Variants in EXOC6B observed in about 807,000 individuals in gnomAD.
The protein encoded by EXOC6B is exocyst complex component 6B.
In EXOC6B, 54 loss-of-function variants were observed where a neutral mutation model predicts 113.5. The ratio of observed to expected loss-of-function variants is 0.48; its 90% confidence interval spans 0.38 to 0.60. EXOC6B has a LOEUF of 0.60. Among genes scored for constraint, EXOC6B ranks in the 20% least tolerant of loss-of-function variants. The pLI is 0.00. For missense variants in EXOC6B, 797 were observed against 977.5 expected (o/e 0.82, Z 2.46); for synonymous variants, 357 against 339.0 (o/e 1.05, Z -0.58).
At chr2:72,376,585 A>G (rs1016888515) in intron 19 of EXOC6B, among the ~76,000 whole-genome samples, 4 of 152,106 alleles carry the variant, frequency 2.6e-5, no homozygotes, top group African/African-American at 4.8e-5. Context: ...TGAGCTATTT[A>G]AATTCGTGTG....
chr2:72,612,446 CATA>C (rs938350881), intron 6 of EXOC6B, among the ~76,000 whole-genome samples: 1 of 152,010 alleles, frequency 6.6e-6, no homozygotes, highest in Non-Finnish European at 1.5e-5. Context: ...CTCCTTCTCC[CATA>C]ATAACAGAAT....
chr2:72,569,536 T>G (rs1704397730), intron 7 of EXOC6B, among the ~76,000 whole-genome samples: 1 of 152,138 alleles, frequency 6.6e-6, no homozygotes, highest in Non-Finnish European at 1.5e-5. Context: ...TTTATGTGAA[T>G]CTAATTGACC....
intron 20 of EXOC6B, among the ~76,000 whole-genome samples, chr2:72,184,552 T>C (rs1678298104): frequency 2.0e-5 from 3 of 152,176 alleles, no homozygotes. Context: ...GCCTTCAACA[T>C]GCCAAGAACC....
At chr2:72,815,801 A>G (rs959923841) in intron 1 of EXOC6B, among the ~76,000 whole-genome samples, 3 of 152,196 alleles carry the variant, frequency 2.0e-5, no homozygotes, top group African/African-American at 7.2e-5. Context: ...ACCAAATTCC[A>G]GATATATTCA....
At chr2:72,280,625 C>T (rs184614857) in intron 20 of EXOC6B, among the ~76,000 whole-genome samples, 345 of 151,968 alleles carry the variant, frequency 2.3e-3, no homozygotes, top group Non-Finnish European at 3.8e-3. Context: ...TTGTAGCAGA[C>T]CAATATTCTA....
At chr2:72,345,223 C>T (rs1035937154) in intron 19 of EXOC6B, among the ~76,000 whole-genome samples, 8 of 152,264 alleles carry the variant, frequency 5.3e-5, no homozygotes, top group South Asian at 4.1e-4. Context: ...TTATATCAGA[C>T]AAATTCTGCC....
At chr2:72,687,053 G>A (rs1004195170) in intron 6 of EXOC6B, among the ~76,000 whole-genome samples, 1 of 151,640 alleles carries the variant, frequency 6.6e-6, no homozygotes. Context: ...CAGGAGAATT[G>A]CTTGAACCTG....
chr2:72,432,431 G>A (rs1180365629), intron 18 of EXOC6B, among the ~76,000 whole-genome samples: 2 of 152,128 alleles, frequency 1.3e-5, no homozygotes, highest in Admixed American at 6.5e-5. Context: ...AGTCCTTTGG[G>A]TATATACCCA....
At chr2:72,406,994 A>G (rs1032795493) in intron 18 of EXOC6B, among the ~76,000 whole-genome samples, 5 of 151,882 alleles carry the variant, frequency 3.3e-5, no homozygotes, top group African/African-American at 7.2e-5. Context: ...GAAAAGAGAG[A>G]AGAATCAAAT....
chr2:72,459,036 A>G (rs1012375174), intron 18 of EXOC6B, among the ~76,000 whole-genome samples: 3 of 152,162 alleles, frequency 2.0e-5, no homozygotes, highest in Admixed American at 6.6e-5. Context: ...CACAAACAAA[A>G]AGGAAAACCT....
chr2:72,357,549 G>A (rs1420471624), intron 19 of EXOC6B, among the ~76,000 whole-genome samples: 1 of 152,102 alleles, frequency 6.6e-6, no homozygotes, highest in Non-Finnish European at 1.5e-5. Context: ...AAATTAGCCA[G>A]GCGTTGGTGT....
rs551902648 is a variant in EXOC6B at position 72,625,073 on chromosome 2, G to A, written c.670-49405C>T. Reference sequence around the variant, plus strand: ...ATATAGAAGTTTTTTTTTGGGGGGGGGGTGGGTTGTTTTGTTTTGTTTTTT... The same window carrying A: ...ATATAGAAGTTTTTTTTTGGGGGGGAGGTGGGTTGTTTTGTTTTGTTTTTT... On this transcript the variant is annotated intron_variant, in intron 6 of 21. Coordinates refer to ENST00000272427, the MANE Select transcript of EXOC6B (RefSeq NM_015189.3). Among the ~76,000 whole-genome samples the A allele has an allele frequency of 5.5e-5, 8 of 145,538 alleles. No homozygotes were observed. In the South Asian group the frequency reaches 1.5e-3, roughly 28 times the overall value.
At chr2:72,510,641 A>T (rs1332056986) in intron 11 of EXOC6B, among the ~76,000 whole-genome samples, 1 of 151,546 alleles carries the variant, frequency 6.6e-6, no homozygotes, top group Non-Finnish European at 1.5e-5. Context: ...TTTATATATT[A>T]AAAAAGGGAC....
intron 20 of EXOC6B, among the ~76,000 whole-genome samples, chr2:72,281,496 T>A (rs1685129424): frequency 6.6e-6 from 1 of 152,000 alleles, no homozygotes. Flanking sequence ...AAAAAAAGAA[T>A]AGTTAAAACT....
intron 6 of EXOC6B, among the ~76,000 whole-genome samples, chr2:72,589,133 T>G (rs1424052849): frequency 5.9e-5 from 2 of 33,876 alleles, no homozygotes; most frequent in Non-Finnish European, 1.3e-4. Flanking sequence ...TTTTACTCAC[T>G]TAAAAAATAA....
At chr2:72,606,928 A>C (rs1236425751) in intron 6 of EXOC6B, among the ~76,000 whole-genome samples, 3 of 152,028 alleles carry the variant, frequency 2.0e-5, no homozygotes, top group Admixed American at 6.6e-5. Context: ...TTTGAACCTA[A>C]TGTTATCAAG....
chr2:72,462,971 A>G (rs866549295), intron 18 of EXOC6B: 19 of 152,222 alleles, frequency 1.2e-4, no homozygotes, highest in African/African-American at 4.3e-4. Context: ...ACTGCTTGGA[A>G]TTTAGTAAAC....
intron 17 of EXOC6B, 123 bp downstream of exon 17, chr2:72,480,493 T>C (rs753067490): frequency 3.1e-5 from 28 of 894,230 alleles, no homozygotes; most frequent in Non-Finnish European, 4.1e-5. Context: ...ACCAAACATA[T>C]CATAAACACT....
At chr2:72,622,517 C>T (rs1358403267) in intron 6 of EXOC6B, among the ~76,000 whole-genome samples, 1 of 152,100 alleles carries the variant, frequency 6.6e-6, no homozygotes, top group African/African-American at 2.4e-5. Context: ...AGTTTGAGAC[C>T]AGCCTGGGCA....
Sources: allele counts gnomAD v4.1 joint callset (sites outside exome capture counted in the v4.1 genomes callset), GRCh38; gene constraint gnomAD v4.1.1; transcripts MANE v1.5; gene names NCBI Gene and HGNC (gene_info 2026-07-23, HGNC 2026-07-21).